ACAP2: variants seen among roughly 807,000 people sequenced by gnomAD.
ACAP2 encodes arf-GAP with coiled-coil, ANK repeat and PH domain-containing protein 2.
ACAP2 carries 39 observed loss-of-function variants against 115.8 expected under a neutral mutation model. The ratio of observed to expected loss-of-function variants is 0.34; its 90% CI spans 0.26 to 0.44. The LOEUF is 0.44. ACAP2 is among the 20% of genes least tolerant of loss of function. The pLI is 1.00. For synonymous variants in ACAP2, 289 were observed against 315.8 expected (o/e 0.92, Z 0.90); for missense variants, 662 against 927.6 (o/e 0.71, Z 3.72).
At chr3:195,416,565 T>C (rs976914964) in intron 1 of ACAP2, among the ~76,000 whole-genome samples, 1 of 152,156 alleles carries the variant, frequency 6.6e-6, no homozygotes, top group Admixed American at 6.5e-5. Flanking sequence ...TTCAACTTGG[T>C]AGTTCACTCC....
chr3:195,367,220 CA>C (rs1732790544), intron 4 of ACAP2, among the ~76,000 whole-genome samples: 2 of 152,164 alleles, frequency 1.3e-5, no homozygotes, highest in African/African-American at 4.8e-5. Context: ...CCTAATTCAG[CA>C]GATCTAGGGT....
intron 6 of ACAP2, among the ~76,000 whole-genome samples, chr3:195,340,752 G>T (rs1049703913): frequency 2.0e-5 from 3 of 152,168 alleles, no homozygotes; most frequent in Non-Finnish European, 4.4e-5. Context: ...CATTTCAGTG[G>T]GTTAGGCAGG....
intron 1 of ACAP2, among the ~76,000 whole-genome samples, chr3:195,395,877 A>C (rs906467270): frequency 4.6e-5 from 7 of 152,250 alleles, no homozygotes; most frequent in African/African-American, 1.7e-4. Flanking sequence ...TATTTTTAAT[A>C]ACAATACCTT....
intron 6 of ACAP2, among the ~76,000 whole-genome samples, chr3:195,337,902 T>A (rs1438941778): frequency 6.6e-6 from 1 of 151,456 alleles, no homozygotes; most frequent in African/African-American, 2.4e-5. Context: ...TACTCCGACC[T>A]GAGCCCGGGG....
chr3:195,409,879 CAAAAAAAAAAAAAAA>C (rs59779977), intron 1 of ACAP2, among the ~76,000 whole-genome samples: 6 of 56,984 alleles, frequency 1.1e-4, no homozygotes, highest in African/African-American at 1.6e-4. Flanking sequence ...GACTCCATCT[CAAAAAAAAAAAAAAA>C]AAAAAAAAAA....
intron 1 of ACAP2, among the ~76,000 whole-genome samples, chr3:195,436,198 C>T (rs1285842810): frequency 2.6e-5 from 4 of 151,390 alleles, no homozygotes; most frequent in Non-Finnish European, 5.9e-5. Context: ...ACGATCTCAG[C>T]TCACTGCAAC....
intron 7 of ACAP2, among the ~76,000 whole-genome samples, chr3:195,333,918 G>C (rs1730334422): frequency 3.9e-5 from 6 of 152,132 alleles, no homozygotes. Flanking sequence ...AAAATAAAAT[G>C]AGTCAACCGA....
Position 195,275,519 on chromosome 3 carries a change from T to G in ACAP2, c.*3809A>C, listed in dbSNP as rs1726157693. 1 of 152,176 alleles carries G rather than the reference T, an allele frequency of 6.6e-6. No homozygotes were observed. 9.4% of individuals were successfully genotyped at this position (152,176 alleles called of 1,614,324 possible). A position where few individuals can be genotyped will look rare whatever the true frequency, so the allele number is the denominator to read the frequency against. ...TCCAGGTTCTCCAGAATATTTGGAGTCTTTGTTATCAAAGCACAAGGAAAG... is the reference window on the plus strand; with the variant it reads ...TCCAGGTTCTCCAGAATATTTGGAGGCTTTGTTATCAAAGCACAAGGAAAG... On this transcript the variant is annotated 3_prime_UTR_variant, in exon 23 of 23. Coordinates refer to ENST00000326793, the MANE Select transcript of ACAP2 (RefSeq NM_012287.6).
intron 7 of ACAP2, 166 bp downstream of exon 7, chr3:195,336,766 G>A: frequency 1.6e-6 from 1 of 631,682 alleles, no homozygotes; most frequent in Middle Eastern, 4.4e-4. Flanking sequence ...TAACATGAAG[G>A]AGACAAAAAG....
At chr3:195,430,533 G>A (rs1326160302) in intron 1 of ACAP2, among the ~76,000 whole-genome samples, 1 of 152,076 alleles carries the variant, frequency 6.6e-6, no homozygotes, top group East Asian at 1.9e-4. Context: ...TGGCCAACAT[G>A]GCGAAACCTC....
At chr3:195,286,900 TTTTC>T (rs577554610) in intron 21 of ACAP2, among the ~76,000 whole-genome samples, 87 of 152,370 alleles carry the variant, frequency 5.7e-4, no homozygotes, top group African/African-American at 2.0e-3. Context: ...CATTCCTATC[TTTTC>T]TTTAATAACT....
intron 2 of ACAP2, among the ~76,000 whole-genome samples, chr3:195,386,290 A>G (rs868669354): frequency 6.6e-6 from 1 of 152,186 alleles, no homozygotes; most frequent in Non-Finnish European, 1.5e-5. Context: ...GGTGAAAAAT[A>G]TTTTGGAATT....
At chr3:195,352,432 T>C (rs952447920) in intron 4 of ACAP2, among the ~76,000 whole-genome samples, 1 of 152,250 alleles carries the variant, frequency 6.6e-6, no homozygotes. Flanking sequence ...TATTTCCTTA[T>C]TTTCTCTTAG....
At chr3:195,290,885 A>G (rs112470969) in intron 20 of ACAP2, among the ~76,000 whole-genome samples, 1,854 of 151,546 alleles carry the variant, frequency 0.012, 42 homozygotes, top group African/African-American at 0.042. Flanking sequence ...AAATAGCCAG[A>G]CACAGTGGCT....
chr3:195,413,311 A>G (rs1335480430), intron 1 of ACAP2, among the ~76,000 whole-genome samples: 5 of 152,236 alleles, frequency 3.3e-5, no homozygotes, highest in African/African-American at 1.2e-4. Flanking sequence ...TTTAAAGTAA[A>G]TATTGCTTAA....
At chr3:195,362,100 G>C (rs1251621262) in intron 4 of ACAP2, among the ~76,000 whole-genome samples, 1 of 152,070 alleles carries the variant, frequency 6.6e-6, no homozygotes, top group African/African-American at 2.4e-5. Context: ...ATCACCTGAG[G>C]TCAGGAGTTT....
intron 17 of ACAP2, 44 bp downstream of exon 17, chr3:195,295,664 G>T: frequency 1.2e-6 from 2 of 1,602,598 alleles, no homozygotes; most frequent in Non-Finnish European, 1.7e-6. Context: ...AGTGATTTGA[G>T]CTTAAGAAAA....
intron 1 of ACAP2, among the ~76,000 whole-genome samples, chr3:195,394,544 A>G (rs1403452604): frequency 6.6e-6 from 1 of 152,212 alleles, no homozygotes; most frequent in Non-Finnish European, 1.5e-5. Context: ...AGCAAGGCAC[A>G]GTGGCTCACG....
chr3:195,300,640 A>G (rs1727986080), intron 15 of ACAP2, among the ~76,000 whole-genome samples: 1 of 152,170 alleles, frequency 6.6e-6, no homozygotes, highest in Non-Finnish European at 1.5e-5. Context: ...AGCTTTTCTA[A>G]TCCATTATGA....
Sources: gnomAD v4.1 joint callset for allele counts (sites outside exome capture counted in the v4.1 genomes callset) on GRCh38, gnomAD v4.1.1 for gene constraint, MANE v1.5 for transcripts, NCBI Gene and HGNC (gene_info 2026-07-23, HGNC 2026-07-21) for gene names.